The following CTNNA2 variants were observed in gnomAD, a reference collection of about 807,000 sequenced individuals.
The protein encoded by CTNNA2 is catenin alpha 2, also known as catenin alpha-2.
In CTNNA2, 42 loss-of-function variants were observed where a neutral mutation model predicts 101.0. The ratio of observed to expected loss-of-function variants is 0.42; its 90% confidence interval spans 0.32 to 0.54. The LOEUF is 0.54. Ranked by LOEUF, CTNNA2 falls within the 20% of genes least tolerant of loss-of-function variation. The probability of loss-of-function intolerance (pLI) is 0.14; values close to 1 mark genes in which losing one functional copy is unlikely to be tolerated. For missense variants in CTNNA2, 871 were observed against 1,223.1 expected (o/e 0.71, Z 4.29); for synonymous variants, 450 against 456.4 (o/e 0.99, Z 0.18).
chr2:79,588,898 T>G (rs1312374543), intron 1 of CTNNA2, among the ~76,000 whole-genome samples: 3 of 152,184 alleles, frequency 2.0e-5, no homozygotes, highest in Non-Finnish European at 4.4e-5. Context: ...CCTTTTAGCC[T>G]TTGGCAATTT....
chr2:79,787,515 A>C (rs1385865853), intron 3 of CTNNA2, among the ~76,000 whole-genome samples: 1 of 152,154 alleles, frequency 6.6e-6, no homozygotes, highest in Non-Finnish European at 1.5e-5. Flanking sequence ...TCCTATTGCT[A>C]CTGCAACATA....
chr2:80,365,849 A>C (rs958627211), intron 7 of CTNNA2, among the ~76,000 whole-genome samples: 1 of 152,168 alleles, frequency 6.6e-6, no homozygotes, highest in Non-Finnish European at 1.5e-5. Flanking sequence ...GTAGCATTGT[A>C]ATTAAGACTT....
chr2:79,269,157 C>G (rs1252263293), intron 2 of CTNNA2, among the ~76,000 whole-genome samples: 2 of 152,212 alleles, frequency 1.3e-5, no homozygotes, highest in African/African-American at 4.8e-5. Context: ...AAGGGATCCA[C>G]AACTCCTTCC....
At chr2:79,633,977 A>G (rs757269096) in intron 1 of CTNNA2, 1 of 152,242 alleles carries the variant, frequency 6.6e-6, no homozygotes, top group Admixed American at 6.5e-5. Context: ...AGAGTTGAAA[A>G]TAATTTGCTG....
intron 7 of CTNNA2, among the ~76,000 whole-genome samples, chr2:79,982,395 CATATATAACATATAACACAT>C (rs1168520849): frequency 1.1e-4 from 16 of 139,202 alleles, no homozygotes; most frequent in Middle Eastern, 3.8e-3. Context: ...ACATATATAA[CATATATAACATATAACACAT>C]ATATAACACA....
At chr2:79,561,754 C>G (rs922618844) in intron 1 of CTNNA2, among the ~76,000 whole-genome samples, 2 of 151,802 alleles carry the variant, frequency 1.3e-5, no homozygotes, top group African/African-American at 2.4e-5. Context: ...CCTCATATAG[C>G]TTCTTTGGAG....
chr2:80,070,663 G>C (rs1259859391), intron 7 of CTNNA2, among the ~76,000 whole-genome samples: 1 of 151,010 alleles, frequency 6.6e-6, no homozygotes, highest in African/African-American at 2.4e-5. Context: ...GCTGCAGTGA[G>C]CCATGATCAC....
chr2:79,564,308 T>C (rs1674974616), intron 1 of CTNNA2, among the ~76,000 whole-genome samples: 1 of 151,338 alleles, frequency 6.6e-6, no homozygotes, highest in African/African-American at 2.4e-5. Context: ...GTATATTATA[T>C]ATTTTTGAAA....
intron 18 of CTNNA2, among the ~76,000 whole-genome samples, chr2:80,637,512 A>AAG (rs1266351959): frequency 6.6e-6 from 1 of 152,036 alleles, no homozygotes; most frequent in Non-Finnish European, 1.5e-5. Flanking sequence ...AGAGGTGGGG[A>AAG]AGAGGTGATC....
chr2:80,069,030 GA>G (rs1698159335), intron 7 of CTNNA2, among the ~76,000 whole-genome samples: 1 of 152,112 alleles, frequency 6.6e-6, no homozygotes, highest in African/African-American at 2.4e-5. Context: ...TATTATATAG[GA>G]GGCCAAAATG....
At chr2:80,445,021 CA>C (rs763877603) in intron 9 of CTNNA2, among the ~76,000 whole-genome samples, 2 of 152,126 alleles carry the variant, frequency 1.3e-5, no homozygotes, top group Non-Finnish European at 2.9e-5. Context: ...TAAATCACCT[CA>C]AGTTCTCTTA....
At chr2:79,769,865 C>A in intron 3 of CTNNA2, among the ~76,000 whole-genome samples, 1 of 152,176 alleles carries the variant, frequency 6.6e-6, no homozygotes, top group East Asian at 1.9e-4. Context: ...ATAGAACTTT[C>A]TGCAATAAAA....
chr2:79,682,062 A>G (rs915233263), intron 2 of CTNNA2, among the ~76,000 whole-genome samples: 2 of 152,168 alleles, frequency 1.3e-5, no homozygotes, highest in African/African-American at 4.8e-5. Context: ...CTTGTATGAA[A>G]CAATCTTTAA....
intron 1 of CTNNA2, among the ~76,000 whole-genome samples, chr2:79,535,919 A>T (rs1673027060): frequency 6.6e-6 from 1 of 152,230 alleles, no homozygotes; most frequent in South Asian, 2.1e-4. Context: ...TTGCCATAAA[A>T]TATCACTAAT....
intron 4 of CTNNA2, among the ~76,000 whole-genome samples, chr2:79,868,734 C>T (rs1379941522): frequency 6.6e-6 from 1 of 152,206 alleles, no homozygotes; most frequent in Non-Finnish European, 1.5e-5. Context: ...TTCAAAGCTG[C>T]CTTCTCGCTC....
chr2:79,904,393 T>G (rs929808219), intron 6 of CTNNA2, among the ~76,000 whole-genome samples: 1 of 152,230 alleles, frequency 6.6e-6, no homozygotes, highest in South Asian at 2.1e-4. Flanking sequence ...GTGACTCAGA[T>G]AGCATAAAAA....
At chr2:80,094,231 CAG>C in intron 7 of CTNNA2, among the ~76,000 whole-genome samples, 1 of 152,022 alleles carries the variant, frequency 6.6e-6, no homozygotes, top group African/African-American at 2.4e-5. Flanking sequence ...TATGGCTAGC[CAG>C]TTTTCCCAGC....
intron 9 of CTNNA2, among the ~76,000 whole-genome samples, chr2:80,429,869 C>G (rs1681332353): frequency 6.6e-6 from 1 of 152,100 alleles, no homozygotes; most frequent in Admixed American, 6.6e-5. Context: ...TTGGTGGAGT[C>G]CAAGGACATT....
intron 9 of CTNNA2, among the ~76,000 whole-genome samples, chr2:80,432,537 A>G (rs139207570): frequency 1.1e-3 from 172 of 152,326 alleles, no homozygotes; most frequent in Non-Finnish European, 1.7e-3. Flanking sequence ...GAATTGAGTC[A>G]ATATTTTCAC....
Sources: gnomAD v4.1 joint callset for allele counts (sites outside exome capture counted in the v4.1 genomes callset) on GRCh38, gnomAD v4.1.1 for gene constraint, MANE v1.5 for transcripts, NCBI Gene and HGNC (gene_info 2026-07-23, HGNC 2026-07-21) for gene names.